Variants in PIAS2 observed in about 807,000 individuals in gnomAD.
PIAS2 encodes E3 SUMO-protein ligase PIAS2.
A neutral mutation model predicts 69.7 loss-of-function variants in PIAS2; 19 were observed. The observed-to-expected ratio is 0.27, with a 90% CI of 0.19 to 0.40. The LOEUF (loss-of-function observed/expected upper bound fraction) is 0.40, where lower values mean the gene tolerates loss of function less well. PIAS2 is among the 10% of genes least tolerant of loss of function. The pLI is 1.00. For synonymous variants in PIAS2, 261 were observed against 263.2 expected (o/e 0.99, Z 0.08); for missense variants, 624 against 757.0 (o/e 0.82, Z 2.06).
intron 3 of PIAS2, among the ~76,000 whole-genome samples, chr18:46,858,388 T>C (rs1180870721): frequency 6.6e-6 from 1 of 152,126 alleles, no homozygotes; most frequent in Non-Finnish European, 1.5e-5. Context: ...ATCTCATAAT[T>C]AGGAGACCAT....
chr18:46,825,827 T>C (rs886091056), intron 11 of PIAS2, among the ~76,000 whole-genome samples: 1 of 152,234 alleles, frequency 6.6e-6, no homozygotes, highest in African/African-American at 2.4e-5. Flanking sequence ...CCAACATCCA[T>C]GAAGATGACT....
chr18:46,827,919 G>A, intron 11 of PIAS2, 40 bp downstream of exon 11: 1 of 1,545,870 alleles, frequency 6.5e-7, no homozygotes. Context: ...GCAATTAGTT[G>A]CAAGGGTAAT....
At chr18:46,901,212 G>A in intron 1 of PIAS2, 1 of 366,132 alleles carries the variant, frequency 2.7e-6, no homozygotes, top group South Asian at 2.1e-5. Flanking sequence ...GCGGTCAGGA[G>A]TTCGAGGCCA....
At chr18:46,815,190 T>C (rs969545674) in intron 13 of PIAS2, 122 bp downstream of exon 13, 1 of 753,774 alleles carries the variant, frequency 1.3e-6, no homozygotes, top group South Asian at 1.7e-5. Context: ...CAGTACTTCC[T>C]TTCCATCAAT....
upstream of PIAS2, chr18:46,920,028 A>G: frequency 1.6e-6 from 2 of 1,284,230 alleles, no homozygotes; most frequent in East Asian, 1.1e-4. Context: ...AAACAGTAAG[A>G]AAAGAAAAGC....
chr18:46,896,165 C>CAAAAAAAAAAAAA (rs1199712335), intron 1 of PIAS2, among the ~76,000 whole-genome samples: 3 of 31,948 alleles, frequency 9.4e-5, no homozygotes, highest in East Asian at 8.8e-4. Flanking sequence ...AAGAAAAAAG[C>CAAAAAAAAAAAAA]AAAAAAAAAA....
chr18:46,866,316 A>G (rs1372153839), intron 2 of PIAS2, among the ~76,000 whole-genome samples: 1 of 152,250 alleles, frequency 6.6e-6, no homozygotes, highest in Non-Finnish European at 1.5e-5. Flanking sequence ...GAGAGAAAAA[A>G]GAAACAAGGG....
intron 2 of PIAS2, among the ~76,000 whole-genome samples, chr18:46,887,435 A>C (rs1467762606): frequency 6.6e-6 from 1 of 152,210 alleles, no homozygotes. Flanking sequence ...ACTGAAAATA[A>C]AAAGGGTTTT....
chr18:46,908,568 A>G (rs2056895931), intron 1 of PIAS2, among the ~76,000 whole-genome samples: 1 of 152,182 alleles, frequency 6.6e-6, no homozygotes, highest in South Asian at 2.1e-4. Context: ...CAAAAAACAA[A>G]AAAACTACGT....
chr18:46,852,501 G>A (rs1484074705), intron 5 of PIAS2: 1 of 152,286 alleles, frequency 6.6e-6, no homozygotes, highest in East Asian at 1.9e-4. Flanking sequence ...GACAAAGGCT[G>A]CTTTATGTAG....
chr18:46,835,573 T>C (rs1430846137), intron 9 of PIAS2, among the ~76,000 whole-genome samples: 1 of 152,218 alleles, frequency 6.6e-6, no homozygotes, highest in South Asian at 2.1e-4. Context: ...ACTACAGGCA[T>C]GTACCACAGT....
Position 46,829,829 on chromosome 18 carries a change from T to A in PIAS2, c.1241A>T (p.Asp414Val), listed in dbSNP as rs896812749. 1.9e-6 allele frequency: 3 copies of A among 1,613,254 alleles called. No homozygotes were observed. The highest frequency in any genetic ancestry group is 2.5e-6 in the Non-Finnish European group (3 of 1,179,474). ...MEILNDCSDVDEIKFQEDGSW... is the reference protein window; with the variant it reads ...MEILNDCSDVVEIKFQEDGSW... Reference sequence around the variant, plus strand: ...ACCATCTTCTTGGAATTTGATCTCATCTACATCAGAACAGTCATTGAGAAT... The same window carrying A: ...ACCATCTTCTTGGAATTTGATCTCAACTACATCAGAACAGTCATTGAGAAT... The change falls in exon 10 of 14, where the codon GAT becomes GTT. Residue 414 changes from aspartate to valine, a missense_variant. This residue lies in a region of PIAS2 where 241 missense variants were observed against 257.3 expected (regional missense o/e 0.94). Transcript: ENST00000585916.
chr18:46,836,887 A>G (rs1010220042), intron 8 of PIAS2, among the ~76,000 whole-genome samples: 3 of 152,066 alleles, frequency 2.0e-5, no homozygotes, highest in African/African-American at 7.2e-5. Flanking sequence ...TTAAAGAAAT[A>G]TTTTCCCAGG....
At position 46,917,411 on chromosome 18, in the gene PIAS2, T is replaced by TGCCGCCACCACGGCCGCC. The variant is rs1555813742; in HGVS notation, c.-84_-67dup. 5.0e-6 allele frequency: 7 copies of TGCCGCCACCACGGCCGCC among 1,391,742 alleles called. No individual in the cohort carries two copies. Among genetic ancestry groups the TGCCGCCACCACGGCCGCC allele is most frequent in the Non-Finnish European group, 5.6e-6 (6 of 1,069,872 alleles). The allele number at this position is 1,391,742 out of a possible 1,614,324, so 86.2% of individuals were successfully genotyped here. On this transcript the variant is annotated 5_prime_UTR_variant, in exon 1 of 14. Transcript: ENST00000585916. The stretch of plus-strand genomic sequence containing the variant: ...CCACTCCCGCTGCCGCCAACGACGC[T>TGCCGCCACCACGGCCGCC]GCCGCCACCACGGCCGCCGCCGCCT...
chr18:46,888,694 G>A (rs1260642246), intron 2 of PIAS2, among the ~76,000 whole-genome samples: 2 of 152,168 alleles, frequency 1.3e-5, no homozygotes. Context: ...TAAGGAGCAT[G>A]CAATCTAGAT....
At chr18:46,869,087 G>C (rs2049934128) in intron 2 of PIAS2, among the ~76,000 whole-genome samples, 1 of 152,230 alleles carries the variant, frequency 6.6e-6, no homozygotes, top group Admixed American at 6.5e-5. Context: ...TAAGCACAAA[G>C]CAAGCGTGGA....
chr18:46,855,997 GTTTTTTTTTTTTT>G (rs1171297653), intron 3 of PIAS2, among the ~76,000 whole-genome samples: 4 of 67,964 alleles, frequency 5.9e-5, no homozygotes, highest in Admixed American at 2.1e-4. Context: ...TTTTTCTTTT[GTTTTTTTTTTTTT>G]TTTTTTTTTT....
chr18:46,818,129 G>A (rs2041760724), intron 12 of PIAS2: 1 of 1,077,034 alleles, frequency 9.3e-7, no homozygotes, highest in African/African-American at 1.6e-5. Context: ...CTGTGAAATT[G>A]ACTCATTAGA....
At chr18:46,882,554 G>A (rs192417675) in intron 2 of PIAS2, among the ~76,000 whole-genome samples, 10 of 152,234 alleles carry the variant, frequency 6.6e-5, no homozygotes, top group Admixed American at 6.5e-4. Context: ...ATGTGTACAA[G>A]TATTCAGAAA....
Sources: allele counts gnomAD v4.1 joint callset (sites outside exome capture counted in the v4.1 genomes callset), GRCh38; gene constraint gnomAD v4.1.1; regional missense constraint gnomAD v4.1.1; transcripts MANE v1.5; gene names NCBI Gene and HGNC (gene_info 2026-07-23, HGNC 2026-07-21).